Variants in XKR4 observed in about 807,000 individuals in gnomAD.
XKR4 encodes the protein XK-related protein 4.
XKR4 carries 12 observed loss-of-function variants against 53.9 expected under a neutral mutation model. The ratio of observed to expected loss-of-function variants is 0.22; its 90% CI spans 0.14 to 0.36. The LOEUF (loss-of-function observed/expected upper bound fraction) is 0.36, where lower values mean the gene tolerates loss of function less well. Ranked by LOEUF, XKR4 falls within the 10% of genes least tolerant of loss-of-function variation. The pLI, the probability that XKR4 is intolerant of heterozygous loss-of-function variation, is 1.00. For synonymous variants in XKR4, 354 were observed against 362.4 expected (o/e 0.98, Z 0.26); for missense variants, 799 against 859.5 (o/e 0.93, Z 0.88).
At chr8:55,269,642 C>G (rs531368878) in intron 1 of XKR4, among the ~76,000 whole-genome samples, 29 of 152,220 alleles carry the variant, frequency 1.9e-4, no homozygotes, top group Non-Finnish European at 4.0e-4. Flanking sequence ...AATAACAGCT[C>G]AGAGCCAAGT....
intron 2 of XKR4, chr8:55,454,704 G>A (rs1585582830): frequency 1.2e-6 from 1 of 861,918 alleles, no homozygotes; most frequent in Non-Finnish European, 2.0e-6. Flanking sequence ...CCACGTGGAC[G>A]GCATAGATGA....
rs1271875368 is a variant in XKR4, at chr8:55,102,153, G to C, written c.-336G>C. On this transcript the variant is annotated 5_prime_UTR_variant, in exon 1 of 3. Transcript: ENST00000327381. The surrounding 1 kb of genome is among the most constrained non-coding windows in gnomAD (Gnocchi z 5.1). ...GGCCGCTGCTGCTCCTGCTGCTGGC[G>C]GCGGCGGCGGCTCGGGCGGCAGCAG... 6.7e-6 allele frequency among the ~76,000 whole-genome samples: 1 copy of C among 149,762 alleles called. No individual in the cohort carries two copies. The highest frequency in any genetic ancestry group is 1.5e-5 in the Non-Finnish European group (1 of 67,278).
chr8:55,289,703 A>AAG (rs1563316574), intron 1 of XKR4, among the ~76,000 whole-genome samples: 6 of 126,464 alleles, frequency 4.7e-5, no homozygotes, highest in East Asian at 2.3e-4. Flanking sequence ...AAGAGAAAGA[A>AAG]AGAAAGAAAG....
At chr8:55,117,738 A>G (rs1407466077) in intron 1 of XKR4, among the ~76,000 whole-genome samples, 2 of 152,140 alleles carry the variant, frequency 1.3e-5, no homozygotes, top group African/African-American at 4.8e-5. Context: ...TTTTCCCACT[A>G]TATCTTACTA....
chr8:55,160,169 T>C (rs1816964731), intron 1 of XKR4, among the ~76,000 whole-genome samples: 1 of 152,196 alleles, frequency 6.6e-6, no homozygotes, highest in Non-Finnish European at 1.5e-5. Context: ...CATGAGACCA[T>C]TGGCGTGGTT....
chr8:55,341,780 C>T (rs1803551446), intron 1 of XKR4, among the ~76,000 whole-genome samples: 1 of 152,222 alleles, frequency 6.6e-6, no homozygotes, highest in Non-Finnish European at 1.5e-5. Context: ...ACATTCACAC[C>T]TCCCTGAGAG....
chr8:55,459,678 G>A (rs749720171), intron 2 of XKR4, among the ~76,000 whole-genome samples: 4 of 152,062 alleles, frequency 2.6e-5, no homozygotes, highest in African/African-American at 7.2e-5. Flanking sequence ...ACAAGCTCAT[G>A]AAAAGATACT....
chr8:55,520,314 G>C (rs1055007410), intron 2 of XKR4, among the ~76,000 whole-genome samples: 1 of 152,224 alleles, frequency 6.6e-6, no homozygotes, highest in Non-Finnish European at 1.5e-5. Context: ...GCCCCAGCAC[G>C]GTGGCTCACG....
chr8:55,405,850 G>A (rs1804672008), intron 2 of XKR4, among the ~76,000 whole-genome samples: 1 of 152,176 alleles, frequency 6.6e-6, no homozygotes, highest in South Asian at 2.1e-4. Flanking sequence ...AGGAGAATGT[G>A]TGTGATGGAA....
intron 1 of XKR4, among the ~76,000 whole-genome samples, chr8:55,117,012 A>G (rs963328787): frequency 6.6e-6 from 1 of 152,218 alleles, no homozygotes; most frequent in African/African-American, 2.4e-5. Flanking sequence ...GATAATATCT[A>G]TCGTATTATT....
At chr8:55,274,806 G>T (rs941889155) in intron 1 of XKR4, among the ~76,000 whole-genome samples, 4 of 152,094 alleles carry the variant, frequency 2.6e-5, no homozygotes, top group African/African-American at 9.7e-5. Context: ...CTCTTCAGAG[G>T]CCCTGTCTCC....
chr8:55,230,725 C>T (rs1818024116), intron 1 of XKR4, among the ~76,000 whole-genome samples: 1 of 152,140 alleles, frequency 6.6e-6, no homozygotes, highest in Non-Finnish European at 1.5e-5. Context: ...AGAGGAAAAA[C>T]TGGAAATAAT....
At position 55,126,366 on chromosome 8, in the gene XKR4, G is replaced by T. The variant is rs1355910301; in HGVS notation, c.806+23072G>T. Among the ~76,000 whole-genome samples the T allele has an allele frequency of 2.6e-5, 4 of 152,244 alleles. No homozygotes were observed. In the East Asian group the frequency reaches 7.7e-4, roughly 29 times the overall value. On this transcript the variant is annotated intron_variant, in intron 1 of 2. Transcript: ENST00000327381. ...AGCAGGTCATAGCTCCAGTAGAGCT[G>T]CTGGAAGTAAAGTCTCCATTGTTGT...
At chr8:55,322,370 A>G (rs1169358770) in intron 1 of XKR4, among the ~76,000 whole-genome samples, 1 of 152,102 alleles carries the variant, frequency 6.6e-6, no homozygotes, top group African/African-American at 2.4e-5. Context: ...TGATTTATTT[A>G]TTCATTCCGC....
intron 2 of XKR4, among the ~76,000 whole-genome samples, chr8:55,507,337 T>A (rs1015832807): frequency 2.0e-5 from 3 of 151,770 alleles, no homozygotes; most frequent in Admixed American, 6.6e-5. Context: ...TTTCTTTTTT[T>A]TTATTATTAC....
At chr8:55,247,821 A>AT (rs1435521471) in intron 1 of XKR4, among the ~76,000 whole-genome samples, 6 of 108,702 alleles carry the variant, frequency 5.5e-5, no homozygotes, top group Non-Finnish European at 1.1e-4. Flanking sequence ...TACATTATTA[A>AT]TTTTAATTTT....
chr8:55,109,852 A>G (rs967660490), intron 1 of XKR4, among the ~76,000 whole-genome samples: 4 of 152,190 alleles, frequency 2.6e-5, no homozygotes, highest in African/African-American at 7.2e-5. Flanking sequence ...AATCTCTTAC[A>G]AAATGTTTCT....
rs1818469660 is a variant in XKR4, at chr8:55,258,327, C to T, written c.807-99351C>T. 2.0e-5 allele frequency among the ~76,000 whole-genome samples: 3 copies of T among 152,132 alleles called. No individual in the cohort carries two copies. The South Asian group carries it at 6.2e-4, about 32-fold the overall frequency. On this transcript the variant is annotated intron_variant, in intron 1 of 2. Transcript: ENST00000327381. Reference sequence around the variant, plus strand: ...TGCTCAGATGCAGTGAGTGATTAGGCCTGCACATGGATCACAGGGAGGCTT... The same window carrying T: ...TGCTCAGATGCAGTGAGTGATTAGGTCTGCACATGGATCACAGGGAGGCTT...
At chr8:55,477,150 G>A (rs1197373267) in intron 2 of XKR4, among the ~76,000 whole-genome samples, 1 of 152,084 alleles carries the variant, frequency 6.6e-6, no homozygotes, top group East Asian at 1.9e-4. Context: ...CCTGGTAGGG[G>A]CAGACTGACA....
Sources: gnomAD v4.1 joint callset for allele counts (sites outside exome capture counted in the v4.1 genomes callset) on GRCh38, gnomAD v4.1.1 for gene constraint, Gnocchi (gnomAD v3.1) non-coding constraint, MANE v1.5 for transcripts, NCBI Gene and HGNC (gene_info 2026-07-23, HGNC 2026-07-21) for gene names.